CDADC1: variants seen among roughly 807,000 people sequenced by gnomAD.
CDADC1 encodes the protein dCTP deaminase.
A neutral mutation model predicts 54.9 loss-of-function variants in CDADC1; 39 were observed. That is an observed-to-expected ratio of 0.71 (90% CI 0.55 to 0.93). The LOEUF is 0.93. Among genes scored for constraint, CDADC1 ranks in the 40% least tolerant of loss-of-function variants. CDADC1 has a pLI of 0.00. For missense variants in CDADC1, 518 were observed against 618.8 expected, an observed-to-expected ratio of 0.84 and a Z score of 1.73; for synonymous variants, 186 against 204.0, an observed-to-expected ratio of 0.91 and a Z score of 0.75.
intron 5 of CDADC1, 82 bp downstream of exon 5, chr13:49,268,141 T>C: frequency 9.0e-7 from 1 of 1,105,030 alleles, no homozygotes; most frequent in Middle Eastern, 2.1e-4. Context: ...TATGGTAGAG[T>C]TCATTTACTC....
chr13:49,278,589 A>G, intron 7 of CDADC1, 70 bp downstream of exon 7: 1 of 1,102,104 alleles, frequency 9.1e-7, no homozygotes. Flanking sequence ...ATTTTCTTAT[A>G]ATTGTAATTT....
At chr13:49,257,924 A>T (rs1485457904) in intron 3 of CDADC1, among the ~76,000 whole-genome samples, 1 of 152,266 alleles carries the variant, frequency 6.6e-6, no homozygotes, top group East Asian at 1.9e-4. Flanking sequence ...TAGGGAGGGG[A>T]AAGTGTTCAC....
In CDADC1 at chr13:49,292,457, G is replaced by C; in HGVS notation, c.*700G>C. 1 of 1,013,548 alleles carries C rather than the reference G, an allele frequency of 9.9e-7. No homozygotes were observed. The allele number at this position is 1,013,548 out of a possible 1,614,324, so 62.8% of individuals were successfully genotyped here. A position where few individuals can be genotyped will look rare whatever the true frequency, so the allele number is the denominator to read the frequency against. Reference sequence around the variant, plus strand: ...ATCACTAACAGTGAACCTCAAATTTGGTTATGATGTTAACAGAGAAGAAAT... The same window carrying C: ...ATCACTAACAGTGAACCTCAAATTTCGTTATGATGTTAACAGAGAAGAAAT... On this transcript the variant is annotated 3_prime_UTR_variant, in exon 10 of 10. Coordinates refer to ENST00000251108, the MANE Select transcript of CDADC1 (RefSeq NM_030911.4).
chr13:49,259,213 T>C, intron 3 of CDADC1, 133 bp from the exon 4 acceptor site: 1 of 664,656 alleles, frequency 1.5e-6, no homozygotes, highest in Non-Finnish European at 2.3e-6. Flanking sequence ...TAATGAGAAA[T>C]GTGCTTTGTA....
chr13:49,276,594 C>T (rs1432604822), intron 6 of CDADC1, among the ~76,000 whole-genome samples: 1 of 152,198 alleles, frequency 6.6e-6, no homozygotes, highest in Non-Finnish European at 1.5e-5. Context: ...TGTTACTGTA[C>T]ACATACAATC....
chr13:49,267,783 T>G lies in CDADC1; in HGVS notation c.724T>G (p.Leu242Val), dbSNP rs1460526547. ...AGAAAGAATAAAAGAATATGAAATG[T>G]TATTTTTGGTTTCAAATGAAGAAAT... ...KQERIKEYEM[L>V]FLVSNEEMHK... The change falls in exon 5 of 10, where the codon TTA becomes GTA. Residue 242 changes from leucine to valine, a missense_variant. Transcript: ENST00000251108. 6.2e-7 allele frequency: 1 copy of G among 1,612,460 alleles called. No individual in the cohort carries two copies.
intron 4 of CDADC1, among the ~76,000 whole-genome samples, chr13:49,263,735 T>C (rs912251914): frequency 1.3e-5 from 2 of 151,848 alleles, no homozygotes; most frequent in Non-Finnish European, 2.9e-5. Context: ...TCCAGTTGTC[T>C]TCTATTAAGC....
At chr13:49,248,209 C>A (rs79347436) in intron 1 of CDADC1, 90 bp downstream of exon 1, 6 of 1,142,470 alleles carry the variant, frequency 5.3e-6, no homozygotes, top group Admixed American at 2.1e-5. Flanking sequence ...CTTGTCTGAG[C>A]CTCTTTGCCT....
intron 8 of CDADC1, among the ~76,000 whole-genome samples, chr13:49,285,410 C>T (rs145820050): frequency 2.6e-5 from 4 of 152,160 alleles, no homozygotes; most frequent in East Asian, 3.9e-4. Flanking sequence ...TATCTGACCT[C>T]GTGATCCACC....
In CDADC1 at chr13:49,292,189, C is replaced by A; in HGVS notation, c.*432C>A. 1.0e-6 allele frequency: 1 copy of A among 997,368 alleles called. No individual in the cohort carries two copies. The highest frequency in any genetic ancestry group is 1.2e-6 in the Non-Finnish European group (1 of 835,184). 61.8% of individuals were successfully genotyped at this position (997,368 alleles called of 1,614,324 possible). A position where few individuals can be genotyped will look rare whatever the true frequency, so the allele number is the denominator to read the frequency against. On this transcript the variant is annotated 3_prime_UTR_variant, in exon 10 of 10. Transcript: ENST00000251108. ...ACTGCTCCAGGGAAATAAGTGTCAT[C>A]TTTTAAGAGTCAGTGTATAGCAAAC...
At chr13:49,272,846 C>T (rs560437111) in intron 5 of CDADC1, among the ~76,000 whole-genome samples, 2 of 151,724 alleles carry the variant, frequency 1.3e-5, no homozygotes, top group Non-Finnish European at 2.9e-5. Flanking sequence ...TTAGTAGAGA[C>T]GGGGTTTCAC....
At chr13:49,266,582 A>AT (rs1418158689) in intron 4 of CDADC1, among the ~76,000 whole-genome samples, 3 of 152,244 alleles carry the variant, frequency 2.0e-5, no homozygotes, top group African/African-American at 7.2e-5. Flanking sequence ...TCACATAAGA[A>AT]TTTTTTCATG....
chr13:49,280,493 A>G lies in CDADC1; in HGVS notation c.1221-16A>G. On this transcript the variant is annotated splice_polypyrimidine_tract_variant and intron_variant, in intron 7 of 9. Coordinates refer to ENST00000251108, the MANE Select transcript of CDADC1 (RefSeq NM_030911.4). Reference sequence around the variant, plus strand: ...TCAGAAACGACCTTTCTGATATTTTATAATTTTTTTTGTAGGTGTCAAGAA... The same window carrying G: ...TCAGAAACGACCTTTCTGATATTTTGTAATTTTTTTTGTAGGTGTCAAGAA... The G allele has an allele frequency of 1.5e-6, 2 of 1,336,608 alleles. No homozygotes were observed. The highest frequency in any genetic ancestry group is 2.0e-6 in the Non-Finnish European group (2 of 1,011,580). 82.8% of individuals were successfully genotyped at this position (1,336,608 alleles called of 1,614,324 possible). A position where few individuals can be genotyped will look rare whatever the true frequency, so the allele number is the denominator to read the frequency against.
At chr13:49,261,230 A>G (rs1952677047) in intron 4 of CDADC1, among the ~76,000 whole-genome samples, 2 of 152,222 alleles carry the variant, frequency 1.3e-5, no homozygotes, top group Admixed American at 6.5e-5. Context: ...GCCTTGAGCT[A>G]TAAATGGCAG....
intron 4 of CDADC1, chr13:49,265,909 GA>G: frequency 7.7e-7 from 1 of 1,303,290 alleles, no homozygotes; most frequent in Non-Finnish European, 1.0e-6. Flanking sequence ...ATGCCTAGAT[GA>G]AAGGTTTACC....
intron 2 of CDADC1, among the ~76,000 whole-genome samples, chr13:49,251,411 GAAAA>G (rs966493068): frequency 1.2e-4 from 18 of 147,228 alleles, no homozygotes; most frequent in Non-Finnish European, 2.3e-4. Flanking sequence ...AAAAAAAAAA[GAAAA>G]AAAAACGTAT....
At chr13:49,280,805 A>AATC (rs1555314934) in intron 8 of CDADC1, 107 bp downstream of exon 8, 1 of 227,910 alleles carries the variant, frequency 4.4e-6, no homozygotes. Context: ...AGTTTCAACA[A>AATC]ATTATTATTA....
At chr13:49,282,658 T>C (rs1329586841) in intron 8 of CDADC1, among the ~76,000 whole-genome samples, 1 of 152,224 alleles carries the variant, frequency 6.6e-6, no homozygotes, top group Non-Finnish European at 1.5e-5. Context: ...ATGTCTTATA[T>C]AGCAGGTTTC....
chr13:49,249,446 G>A (rs1952374578), intron 2 of CDADC1, among the ~76,000 whole-genome samples: 1 of 152,196 alleles, frequency 6.6e-6, no homozygotes, highest in South Asian at 2.1e-4. Context: ...AAACAGATTA[G>A]AAATGGGCTG....
Sources: allele counts gnomAD v4.1 joint callset (sites outside exome capture counted in the v4.1 genomes callset), GRCh38; gene constraint gnomAD v4.1.1; transcripts MANE v1.5; gene names NCBI Gene and HGNC (gene_info 2026-07-23, HGNC 2026-07-21).